Variants in CLCN6 observed in about 807,000 individuals in gnomAD.
CLCN6 encodes the protein H(+)/Cl(-) exchange transporter 6.
Under a neutral mutation model 109.8 loss-of-function variants are expected in CLCN6, and 70 were observed. That is an observed-to-expected ratio of 0.64 (90% CI 0.53 to 0.78). The LOEUF (loss-of-function observed/expected upper bound fraction) is 0.78, where lower values mean the gene tolerates loss of function less well. Among genes scored for constraint, CLCN6 ranks in the 30% least tolerant of loss-of-function variants. The pLI, the probability that CLCN6 is intolerant of heterozygous loss-of-function variation, is 0.00. For missense variants in CLCN6, 984 were observed against 1,142.3 expected (o/e 0.86, Z 2.00); for synonymous variants, 444 against 447.8 (o/e 0.99, Z 0.11).
At chr1:11,813,106 T>C (rs1474105161) in intron 2 of CLCN6, among the ~76,000 whole-genome samples, 1 of 152,192 alleles carries the variant, frequency 6.6e-6, no homozygotes, top group East Asian at 1.9e-4. Context: ...CCCCTTCCCC[T>C]GTGAAGAAGA....
At chr1:11,811,112 G>A (rs1288366494) in intron 2 of CLCN6, among the ~76,000 whole-genome samples, 7 of 151,976 alleles carry the variant, frequency 4.6e-5, no homozygotes, top group Admixed American at 4.6e-4. Context: ...TCAGGAGATC[G>A]AAGCAGGTGA....
At chr1:11,822,375 C>T (rs896071217) in intron 5 of CLCN6, among the ~76,000 whole-genome samples, 3 of 152,174 alleles carry the variant, frequency 2.0e-5, no homozygotes, top group Non-Finnish European at 4.4e-5. Flanking sequence ...CCTCCCACCT[C>T]AGCTTCTTGA....
chr1:11,807,811 A>G (rs192511521), intron 2 of CLCN6, among the ~76,000 whole-genome samples: 1 of 152,234 alleles, frequency 6.6e-6, no homozygotes, highest in Non-Finnish European at 1.5e-5. Context: ...GTATCTTTCT[A>G]CATCCTTACC....
In CLCN6 at chr1:11,834,238, A is replaced by T; in HGVS notation, c.1529A>T (p.Tyr510Phe). The stretch of plus-strand genomic sequence containing the variant: ...TTCTCGGTGTTTTCCTTCACTAGCT[A>T]CATTGGATTGGGCCACATCTATTCG... ...GRLVANVLKS[Y>F]IGLGHIYSGT... Residue 510 changes from tyrosine (Y) to phenylalanine (F), a missense_variant and splice_region_variant, in exon 16 of 23, where the codon TAC becomes TTC. By Grantham distance (22) the Tyr-to-Phe change is conservative. Transcript: ENST00000346436. This position sits in a 1 kb window ranked among gnomAD's most constrained non-coding sequence, Gnocchi z 4.5. 1 of 1,612,028 alleles carries T rather than the reference A, an allele frequency of 6.2e-7. No homozygotes were observed. The highest frequency in any genetic ancestry group is 8.5e-7 in the Non-Finnish European group (1 of 1,179,064).
intron 1 of CLCN6, 56 bp downstream of exon 1, chr1:11,806,405 A>C: frequency 7.2e-7 from 1 of 1,388,546 alleles, no homozygotes; most frequent in Non-Finnish European, 9.3e-7. Context: ...GGACTGAGAG[A>C]GGCGTTGCCG....
intron 13 of CLCN6, chr1:11,829,767 G>A (rs571888753): frequency 4.5e-4 from 74 of 163,996 alleles, no homozygotes; most frequent in African/African-American, 1.7e-3. Flanking sequence ...CGACACTGGC[G>A]TCACAGAGGG....
At position 11,836,036 on chromosome 1, in the gene CLCN6, G is replaced by A; in HGVS notation, c.1863G>A (p.Leu621=). Reference sequence around the variant, plus strand: ...ACCCGCACACCCGCATCCAGTCTCTGGTGAGCATCCTGCGCACCACGGTCC... The same window carrying A: ...ACCCGCACACCCGCATCCAGTCTCTAGTGAGCATCCTGCGCACCACGGTCC... ...YVYPHTRIQS[L]VSILRTTVHH... is the part of the protein sequence containing the mutation. Residue 621 remains leucine, a synonymous_variant, in exon 18 of 23, where the codon CTG becomes CTA. Transcript: ENST00000346436. 1 of 1,613,974 alleles carries A rather than the reference G, an allele frequency of 6.2e-7. No homozygotes were observed. Among genetic ancestry groups the A allele is most frequent in the South Asian group, 1.1e-5 (1 of 91,052 alleles).
In CLCN6 at chr1:11,816,597, C is replaced by G; in HGVS notation, c.214-18C>G. On this transcript the variant is annotated intron_variant, in intron 3 of 22. Transcript: ENST00000346436. ...CCATAACCCTGTAAACTGAATCATTCTTTTCCTGTGTGAACAGAAAGGTCG... is the reference window on the plus strand; with the variant it reads ...CCATAACCCTGTAAACTGAATCATTGTTTTCCTGTGTGAACAGAAAGGTCG... 2 of 1,609,074 alleles carry G rather than the reference C, an allele frequency of 1.2e-6. No individual in the cohort carries two copies. Among genetic ancestry groups the G allele is most frequent in the Non-Finnish European group, 1.7e-6 (2 of 1,177,312 alleles).
At position 11,834,549 on chromosome 1, in the gene CLCN6, C is replaced by T. The variant is rs138466618; in HGVS notation, c.1752C>T (p.Gly584=). 40 of 1,613,968 alleles carry T rather than the reference C, an allele frequency of 2.5e-5. No homozygotes were observed. Among genetic ancestry groups the T allele is most frequent in the African/African-American group, 1.5e-4 (11 of 74,898 alleles). The change falls in exon 17 of 23, where the codon GGC becomes GGT. Residue 584 remains glycine, a synonymous_variant. Coordinates refer to ENST00000346436, the MANE Select transcript of CLCN6 (RefSeq NM_001286.5). The surrounding 1 kb of genome is among the most constrained non-coding windows in gnomAD (Gnocchi z 4.5). Reference sequence around the variant, plus strand: ...ATGATATCCACGTGGGCCTGCGAGGCGTGCCGCTTCTGGAATGGGAGACAG... The same window carrying T: ...ATGATATCCACGTGGGCCTGCGAGGTGTGCCGCTTCTGGAATGGGAGACAG... ...GIYDIHVGLR[G]VPLLEWETEV...
rs998599647 is a variant in CLCN6 at position 11,839,123 on chromosome 1, A to G, written c.2529+463A>G. The G allele has an allele frequency of 5.1e-6, 3 of 586,202 alleles. No individual in the cohort carries two copies. In the African/African-American group the frequency reaches 5.6e-5, roughly 11 times the overall value. The allele number at this position is 586,202 out of a possible 1,614,324, so 36.3% of individuals were successfully genotyped here. On this transcript the variant is annotated intron_variant, in intron 22 of 22. Coordinates refer to ENST00000346436, the MANE Select transcript of CLCN6 (RefSeq NM_001286.5). ...CTTATTACACAAATATTTTCTTATT[A>G]CACAAATATGATTTCATTGTAGGAA...
chr1:11,834,443 C>T lies in CLCN6; in HGVS notation c.1687-41C>T. The T allele has an allele frequency of 6.2e-7, 1 of 1,613,218 alleles. No individual in the cohort carries two copies. The highest frequency in any genetic ancestry group is 8.5e-7 in the Non-Finnish European group (1 of 1,179,324). ...CCTGTCAGGCTCAGGGCCACGTCCG[C>T]CCCACAGGACCTATTTTTAGGTCTT... On this transcript the variant is annotated intron_variant, in intron 16 of 22. Coordinates refer to ENST00000346436, the MANE Select transcript of CLCN6 (RefSeq NM_001286.5). This position sits in a 1 kb window ranked among gnomAD's most constrained non-coding sequence, Gnocchi z 4.5.
intron 4 of CLCN6, among the ~76,000 whole-genome samples, chr1:11,817,589 G>A (rs78642329): frequency 0.037 from 5,635 of 152,258 alleles, 151 homozygotes; most frequent in Middle Eastern, 0.078. Flanking sequence ...TTAAATATGA[G>A]GAAGAGAAGC....
intron 13 of CLCN6, chr1:11,830,333 G>T (rs41275490): frequency 1.3e-5 from 2 of 152,196 alleles, no homozygotes; most frequent in Non-Finnish European, 2.9e-5. Context: ...ATGGAATTAC[G>T]TAGGGTCAAC....
At chr1:11,826,429 G>C (rs7544949) in intron 9 of CLCN6, among the ~76,000 whole-genome samples, 1 of 152,226 alleles carries the variant, frequency 6.6e-6, no homozygotes, top group African/African-American at 2.4e-5. Flanking sequence ...AGGCCTAGAA[G>C]CATCTCAGGC....
At chr1:11,806,874 G>C in intron 1 of CLCN6, 1 of 445,472 alleles carries the variant, frequency 2.2e-6, no homozygotes, top group East Asian at 3.6e-5. Flanking sequence ...TTCAGCTGGC[G>C]TTGGACATCT....
At chr1:11,816,588 T>G (rs1316009293) in intron 3 of CLCN6, 27 bp from the exon 4 acceptor site, 1 of 1,604,698 alleles carries the variant, frequency 6.2e-7, no homozygotes, top group African/African-American at 1.3e-5. Context: ...CCCTGTAAAC[T>G]GAATCATTCT....
At chr1:11,830,048 G>A (rs41275486) in intron 13 of CLCN6, 5,666 of 152,396 alleles carry the variant, frequency 0.037, 156 homozygotes, top group Middle Eastern at 0.081. Context: ...TCTTCCCGGC[G>A]TTGGGTCCTT....
Position 11,806,237 on chromosome 1 carries a change from G to A in CLCN6, c.-26G>A, listed in dbSNP as rs1035608999. On this transcript the variant is annotated 5_prime_UTR_variant, in exon 1 of 23. Coordinates refer to ENST00000346436, the MANE Select transcript of CLCN6 (RefSeq NM_001286.5). Reference sequence around the variant, plus strand: ...TGGCTGGGAGGGGGTTGGTAGAGGGGTCCAGAGTGGCAGTAAAGGAGGAAG... The same window carrying A: ...TGGCTGGGAGGGGGTTGGTAGAGGGATCCAGAGTGGCAGTAAAGGAGGAAG... The A allele has an allele frequency of 6.9e-7, 1 of 1,441,182 alleles. No homozygotes were observed. The highest frequency in any genetic ancestry group is 9.1e-7 in the Non-Finnish European group (1 of 1,098,362). The allele number at this position is 1,441,182 out of a possible 1,614,324, so 89.3% of individuals were successfully genotyped here. A position where few individuals can be genotyped will look rare whatever the true frequency, so the allele number is the denominator to read the frequency against.
chr1:11,835,928 C>G, intron 17 of CLCN6, 39 bp from the exon 18 acceptor site: 1 of 1,586,978 alleles, frequency 6.3e-7, no homozygotes, highest in Non-Finnish European at 8.6e-7. Flanking sequence ...GGCCTGCGGG[C>G]ACTGTCATGA....
Sources: allele counts gnomAD v4.1 joint callset (sites outside exome capture counted in the v4.1 genomes callset), GRCh38; gene constraint gnomAD v4.1.1; non-coding constraint Gnocchi (gnomAD v3.1); transcripts MANE v1.5; gene names NCBI Gene and HGNC (gene_info 2026-07-23, HGNC 2026-07-21).